The following PRELID2 variants were observed in gnomAD, a reference collection of about 807,000 sequenced individuals.
PRELID2 encodes PRELI domain-containing protein 2.
Under a neutral mutation model 28.4 loss-of-function variants are expected in PRELID2, and 25 were observed. That is an observed-to-expected ratio of 0.88 (90% confidence interval 0.64 to 1.23). PRELID2 has a LOEUF of 1.23. PRELID2 is among the 50% of genes most tolerant of loss of function. PRELID2 has a pLI of 0.00. For missense variants in PRELID2, 201 were observed against 214.4 expected, an observed-to-expected ratio of 0.94 and a Z score of 0.39; for synonymous variants, 76 against 71.6, an observed-to-expected ratio of 1.06 and a Z score of -0.31.
intron 1 of PRELID2, among the ~76,000 whole-genome samples, chr5:145,663,185 C>T (rs1380888728): frequency 1.3e-5 from 2 of 152,036 alleles, no homozygotes; most frequent in Non-Finnish European, 2.9e-5. Context: ...GCTAGAGAAC[C>T]AAGATGCAAG....
intron 1 of PRELID2, among the ~76,000 whole-genome samples, chr5:145,825,225 C>CAAAAAAAAAAAAA (rs56818178): frequency 1.7e-5 from 1 of 60,428 alleles, no homozygotes; most frequent in African/African-American, 5.4e-5. Flanking sequence ...GACTCTGTCT[C>CAAAAAAAAAAAAA]AAAAAAAAAA....
intron 1 of PRELID2, among the ~76,000 whole-genome samples, chr5:145,624,210 A>G (rs1232128236): frequency 6.6e-6 from 1 of 152,146 alleles, no homozygotes; most frequent in Admixed American, 6.5e-5. Flanking sequence ...ATGTTCACCA[A>G]CTCAGAAAGT....
intron 1 of PRELID2, among the ~76,000 whole-genome samples, chr5:145,537,539 T>C (rs1286005708): frequency 2.0e-5 from 3 of 151,978 alleles, no homozygotes; most frequent in Non-Finnish European, 1.5e-5. Context: ...TAGTATCTTG[T>C]GGTTCTGACT....
At chr5:145,578,933 A>G (rs532746658) in intron 1 of PRELID2, among the ~76,000 whole-genome samples, 1 of 152,178 alleles carries the variant, frequency 6.6e-6, no homozygotes, top group East Asian at 1.9e-4. Context: ...TAGAGCTGGG[A>G]CTTGATCAAT....
the PRELID2 span, among the ~76,000 whole-genome samples, chr5:145,286,719 TG>T: frequency 1.5e-3 from 190 of 125,308 alleles, 4 homozygotes; most frequent in East Asian, 0.031. Context: ...TTTGTTTGTT[TG>T]TTTGTTTTTT....
At chr5:145,613,901 T>C (rs978514314) in intron 1 of PRELID2, among the ~76,000 whole-genome samples, 7 of 152,198 alleles carry the variant, frequency 4.6e-5, no homozygotes, top group African/African-American at 1.4e-4. Context: ...CCTAAGCCAA[T>C]GTCTAGAAGG....
chr5:145,530,429 T>C (rs1752646034), intron 1 of PRELID2, among the ~76,000 whole-genome samples: 1 of 152,030 alleles, frequency 6.6e-6, no homozygotes, highest in Non-Finnish European at 1.5e-5. Flanking sequence ...TTGTTTAACC[T>C]GGGCCTTGAA....
chr5:145,469,872 T>C (rs139343859), downstream of PRELID2, among the ~76,000 whole-genome samples: 151 of 152,252 alleles, frequency 9.9e-4, no homozygotes, highest in African/African-American at 3.5e-3. Flanking sequence ...CAATGTCCCA[T>C]CAGTAAATCT....
At chr5:145,719,283 T>C (rs1324926848) in intron 1 of PRELID2, among the ~76,000 whole-genome samples, 2 of 151,784 alleles carry the variant, frequency 1.3e-5, no homozygotes, top group East Asian at 3.9e-4. Flanking sequence ...ATACTAATCA[T>C]GAAAAAATTT....
At chr5:145,729,378 A>C in intron 1 of PRELID2, 1 of 509,980 alleles carries the variant, frequency 2.0e-6, no homozygotes, top group East Asian at 3.8e-5. Context: ...GTTTTTCTCT[A>C]GCAGAGGCAG....
the PRELID2 span, among the ~76,000 whole-genome samples, chr5:145,363,967 C>T: frequency 3.2e-4 from 49 of 152,038 alleles, no homozygotes; most frequent in Non-Finnish European, 6.2e-4. Flanking sequence ...GCTGATTGTA[C>T]GCTATTGCTA....
chr5:145,724,944 T>C (rs528431003), intron 1 of PRELID2, among the ~76,000 whole-genome samples: 4 of 151,708 alleles, frequency 2.6e-5, no homozygotes, highest in Admixed American at 1.3e-4. Flanking sequence ...GGTCTCACTA[T>C]GTTACTTAGG....
chr5:145,557,757 A>C (rs1292960445), intron 1 of PRELID2, among the ~76,000 whole-genome samples: 1 of 152,236 alleles, frequency 6.6e-6, no homozygotes, highest in Non-Finnish European at 1.5e-5. Flanking sequence ...CCAGTTTTAC[A>C]AACGAGAAAA....
chr5:145,397,149 G>C, the PRELID2 span, among the ~76,000 whole-genome samples: 1 of 152,030 alleles, frequency 6.6e-6, no homozygotes, highest in African/African-American at 2.4e-5. Context: ...GTTATTGAGT[G>C]GAGAACAGGG....
the PRELID2 span, among the ~76,000 whole-genome samples, chr5:145,403,629 G>T: frequency 6.6e-6 from 1 of 152,146 alleles, no homozygotes; most frequent in African/African-American, 2.4e-5. Context: ...TATTGGGTTT[G>T]CTATGTACCA....
chr5:145,591,649 A>G (rs552634217), intron 1 of PRELID2, among the ~76,000 whole-genome samples: 1 of 152,246 alleles, frequency 6.6e-6, no homozygotes, highest in South Asian at 2.1e-4. Context: ...TTTTTCATAA[A>G]AAAGCACAAA....
intron 1 of PRELID2, among the ~76,000 whole-genome samples, chr5:145,575,342 A>G (rs976310879): frequency 3.3e-5 from 5 of 152,200 alleles, no homozygotes; most frequent in Non-Finnish European, 5.9e-5. Flanking sequence ...TGCTGGAGAC[A>G]GCTAATTTAT....
chr5:145,676,802 G>A (rs1425894210), intron 1 of PRELID2, among the ~76,000 whole-genome samples: 1 of 151,926 alleles, frequency 6.6e-6, no homozygotes, highest in African/African-American at 2.4e-5. Flanking sequence ...ATATACAGAG[G>A]ACAGAAAAAA....
chr5:145,829,426 ATTG>A (rs768005136), intron 1 of PRELID2, among the ~76,000 whole-genome samples: 10 of 152,160 alleles, frequency 6.6e-5, no homozygotes, highest in Admixed American at 1.3e-4. Context: ...GCAACAAATT[ATTG>A]TTGTTGTTAT....
Sources: allele counts gnomAD v4.1 joint callset (sites outside exome capture counted in the v4.1 genomes callset), GRCh38; gene constraint gnomAD v4.1.1; transcripts MANE v1.5; gene names NCBI Gene and HGNC (gene_info 2026-07-23, HGNC 2026-07-21).